Variants in ATF2 observed in about 807,000 individuals in gnomAD.
ATF2 encodes the protein cyclic AMP-dependent transcription factor ATF-2.
A neutral mutation model predicts 60.6 loss-of-function variants in ATF2; 24 were observed. The ratio of observed to expected loss-of-function variants is 0.40; its 90% CI spans 0.29 to 0.56. ATF2 has a LOEUF of 0.56. Ranked by LOEUF, ATF2 falls within the 20% of genes least tolerant of loss-of-function variation. The pLI is 0.54. For missense variants in ATF2, 433 were observed against 607.7 expected (o/e 0.71, Z 3.02); for synonymous variants, 206 against 215.4 (o/e 0.96, Z 0.38).
intron 10 of ATF2, among the ~76,000 whole-genome samples, chr2:175,099,848 C>G (rs1445648439): frequency 6.6e-6 from 1 of 152,202 alleles, no homozygotes; most frequent in South Asian, 2.1e-4. Flanking sequence ...ATGCTGCATA[C>G]TTTATCCTTG....
chr2:175,106,034 GCTTCTACTTTAAGAAA>G (rs1430016147), intron 10 of ATF2, among the ~76,000 whole-genome samples: 2 of 152,034 alleles, frequency 1.3e-5, no homozygotes, highest in African/African-American at 4.8e-5. Flanking sequence ...GATAATCTAA[GCTTCTACTTTAAGAAA>G]CCCAAAAAAG....
chr2:175,082,043 G>C (rs1208491777), intron 12 of ATF2, among the ~76,000 whole-genome samples: 1 of 152,196 alleles, frequency 6.6e-6, no homozygotes, highest in Non-Finnish European at 1.5e-5. Flanking sequence ...TGGTGACAGA[G>C]TGAGACTCCG....
rs760362627 is a variant in ATF2, at chr2:175,097,612, TA to T, written c.829-20del. On this transcript the variant is annotated intron_variant, in intron 10 of 13. Coordinates refer to ENST00000264110, the MANE Select transcript of ATF2 (RefSeq NM_001880.4). ...TTAATCTCTGCAATGCAAACACCAT[TA>T]AAAATTTTTTTTAAGTCCTTAAAGA... 6.2e-7 allele frequency: 1 copy of T among 1,611,500 alleles called. No individual in the cohort carries two copies. Among genetic ancestry groups the T allele is most frequent in the South Asian group, 1.1e-5 (1 of 90,572 alleles).
chr2:175,117,934 A>G, intron 7 of ATF2, 56 bp downstream of exon 7: 1 of 1,498,984 alleles, frequency 6.7e-7, no homozygotes, highest in Non-Finnish European at 8.9e-7. Context: ...TTAAATAGTA[A>G]ACTTTATTTG....
At chr2:175,134,752 G>C (rs1698014218) in intron 3 of ATF2, among the ~76,000 whole-genome samples, 1 of 152,030 alleles carries the variant, frequency 6.6e-6, no homozygotes, top group Admixed American at 6.6e-5. Context: ...GGGAGGCTGA[G>C]GTGGGAGGAT....
intron 12 of ATF2, among the ~76,000 whole-genome samples, chr2:175,089,436 A>G (rs558718417): frequency 6.6e-6 from 1 of 152,352 alleles, no homozygotes; most frequent in South Asian, 2.1e-4. Flanking sequence ...TAAGTAAACT[A>G]TGGGTCATTA....
intron 1 of ATF2, among the ~76,000 whole-genome samples, chr2:175,162,158 T>C (rs562077925): frequency 5.1e-4 from 77 of 152,304 alleles, no homozygotes; most frequent in African/African-American, 1.5e-3. Context: ...CTGTCAAAAG[T>C]TTTGGTAAAC....
At chr2:175,164,747 C>G (rs777711268) in intron 1 of ATF2, among the ~76,000 whole-genome samples, 1 of 152,172 alleles carries the variant, frequency 6.6e-6, no homozygotes, top group Non-Finnish European at 1.5e-5. Flanking sequence ...ATAAAGAGAA[C>G]ATGCAGCATT....
intron 2 of ATF2, among the ~76,000 whole-genome samples, chr2:175,136,698 C>A (rs1278258948): frequency 6.6e-6 from 1 of 152,132 alleles, no homozygotes; most frequent in African/African-American, 2.4e-5. Context: ...TCTAACTCCA[C>A]CAAAGGGATT....
chr2:175,153,765 G>C (rs1413161466), intron 1 of ATF2, among the ~76,000 whole-genome samples: 1 of 149,006 alleles, frequency 6.7e-6, no homozygotes, highest in Non-Finnish European at 1.5e-5. Context: ...CCAGGAGGCA[G>C]AGGTTGCAGT....
chr2:175,106,628 G>C (rs1695683884), intron 10 of ATF2, among the ~76,000 whole-genome samples: 1 of 151,902 alleles, frequency 6.6e-6, no homozygotes, highest in South Asian at 2.1e-4. Context: ...TTAAGGTCAG[G>C]AGTTCGAGAC....
At chr2:175,161,446 C>T (rs1397250485) in intron 1 of ATF2, among the ~76,000 whole-genome samples, 1 of 152,140 alleles carries the variant, frequency 6.6e-6, no homozygotes, top group Non-Finnish European at 1.5e-5. Flanking sequence ...ATGCTCACAG[C>T]AAGACTATGA....
At chr2:175,100,294 T>A (rs541779850) in intron 10 of ATF2, among the ~76,000 whole-genome samples, 1 of 152,372 alleles carries the variant, frequency 6.6e-6, no homozygotes, top group African/African-American at 2.4e-5. Context: ...ATTTTTCAGA[T>A]GTCAGTTTCC....
At chr2:175,141,030 A>AAAATAT (rs1698491252) in intron 2 of ATF2, among the ~76,000 whole-genome samples, 1 of 37,596 alleles carries the variant, frequency 2.7e-5, no homozygotes, top group Non-Finnish European at 4.4e-5. Context: ...AAAAAAAAAA[A>AAAATAT]ATATATATAT....
chr2:175,076,192 A>C (rs939806426), intron 13 of ATF2, among the ~76,000 whole-genome samples: 3 of 152,148 alleles, frequency 2.0e-5, no homozygotes, highest in African/African-American at 7.2e-5. Flanking sequence ...TATAGTTTTT[A>C]CAGAATTTTT....
At chr2:175,113,864 A>T in intron 9 of ATF2, 130 bp downstream of exon 9, 2 of 836,470 alleles carry the variant, frequency 2.4e-6, no homozygotes, top group Non-Finnish European at 3.9e-6. Flanking sequence ...ATGATAACAA[A>T]TAAATACTAT....
chr2:175,078,202 T>C (rs921326567), intron 13 of ATF2, among the ~76,000 whole-genome samples: 8 of 152,050 alleles, frequency 5.3e-5, no homozygotes, highest in Admixed American at 3.9e-4. Flanking sequence ...AACTCATGGG[T>C]TCAAACAATC....
chr2:175,153,595 C>T (rs12996468), intron 1 of ATF2, among the ~76,000 whole-genome samples: 16,690 of 152,016 alleles, frequency 0.11, 1,227 homozygotes, highest in African/African-American at 0.21. Flanking sequence ...TTTAGGAGGC[C>T]TAGGAGGGTG....
chr2:175,091,895 T>C (rs943185943), intron 12 of ATF2, among the ~76,000 whole-genome samples: 1 of 152,196 alleles, frequency 6.6e-6, no homozygotes, highest in Non-Finnish European at 1.5e-5. Context: ...AGATGATAAA[T>C]GATAAAATAT....
Sources: allele counts gnomAD v4.1 joint callset (sites outside exome capture counted in the v4.1 genomes callset), GRCh38; gene constraint gnomAD v4.1.1; transcripts MANE v1.5; gene names NCBI Gene and HGNC (gene_info 2026-07-23, HGNC 2026-07-21).